SAMD13: variants seen among roughly 807,000 people sequenced by gnomAD.
SAMD13 encodes sterile alpha motif domain-containing protein 13.
SAMD13 carries 9 observed loss-of-function variants against 12.4 expected under a neutral mutation model. The ratio of observed to expected loss-of-function variants is 0.72; its 90% CI spans 0.44 to 1.26. The LOEUF (loss-of-function observed/expected upper bound fraction) is 1.26, where lower values mean the gene tolerates loss of function less well. SAMD13 is among the 50% of genes most tolerant of loss of function. The pLI, the probability that SAMD13 is intolerant of heterozygous loss-of-function variation, is 0.00. For missense variants in SAMD13, 84 were observed against 119.6 expected, an observed-to-expected ratio of 0.70 and a Z score of 1.39; for synonymous variants, 46 against 45.4, an observed-to-expected ratio of 1.01 and a Z score of -0.05.
Position 84,314,311 on chromosome 1 carries a change from A to G in SAMD13, c.53+11024A>G, listed in dbSNP as rs149534695. 1.5e-3 allele frequency among the ~76,000 whole-genome samples: 223 copies of G among 152,288 alleles called. 1 individual carries two copies. Among genetic ancestry groups the G allele is most frequent in the African/African-American group, 5.1e-3 (212 of 41,570 alleles). On this transcript the variant is annotated intron_variant, in intron 2 of 3. Coordinates refer to ENST00000394834, the MANE Select transcript of SAMD13 (RefSeq NM_001134663.2). ...AAATGAATAAAAAACCTCACAGGGT[A>G]CTTGATTGTTTGCCTGGAAGCCTGG...
intron 3 of SAMD13, among the ~76,000 whole-genome samples, chr1:84,342,608 A>T (rs1427666959): frequency 1.3e-5 from 2 of 152,212 alleles, no homozygotes; most frequent in African/African-American, 4.8e-5. Context: ...CAATGGGGAA[A>T]AGATTCTCTA....
chr1:84,349,746 C>A lies in SAMD13; in HGVS notation c.281C>A (p.Thr94Lys), dbSNP rs1558469259. Residue 94 changes from threonine (T) to lysine (K), a missense_variant, in exon 4 of 4, where the codon ACA becomes AAA. Transcript: ENST00000394834. ...GAATATCATGTAAAACCTCTGCAGACAAAGCATTTAAAGAACAACTCTTCA... is the reference window on the plus strand; with the variant it reads ...GAATATCATGTAAAACCTCTGCAGAAAAAGCATTTAAAGAACAACTCTTCA... ...IYEYHVKPLQ[T>K]KHLKNNSS The A allele has an allele frequency of 6.2e-7, 1 of 1,613,502 alleles. No homozygotes were observed. Among genetic ancestry groups the A allele is most frequent in the South Asian group, 1.1e-5 (1 of 90,972 alleles).
At chr1:84,348,839 C>T (rs1048040775) in intron 3 of SAMD13, among the ~76,000 whole-genome samples, 2 of 152,232 alleles carry the variant, frequency 1.3e-5, no homozygotes, top group East Asian at 1.9e-4. Context: ...CCCTCACTAC[C>T]TTATTTGGAA....
upstream of SAMD13, chr1:84,299,563 T>C: frequency 6.8e-7 from 1 of 1,474,368 alleles, no homozygotes; most frequent in Non-Finnish European, 9.0e-7. Context: ...CACATCACAC[T>C]CACATACTTT....
intron 2 of SAMD13, among the ~76,000 whole-genome samples, chr1:84,323,318 A>G (rs1678984280): frequency 6.6e-6 from 1 of 152,156 alleles, no homozygotes; most frequent in African/African-American, 2.4e-5. Flanking sequence ...AAAATTTACT[A>G]TTGATTTAAA....
chr1:84,315,167 C>A (rs1331030843), intron 2 of SAMD13, among the ~76,000 whole-genome samples: 4 of 152,052 alleles, frequency 2.6e-5, no homozygotes. Flanking sequence ...TCTGTAGGCA[C>A]AATGTTGTAC....
Position 84,317,232 on chromosome 1 carries a change from C to T in SAMD13, c.54-8405C>T, listed in dbSNP as rs1446543476. Among the ~76,000 whole-genome samples the T allele has an allele frequency of 3.3e-5, 5 of 152,084 alleles. No individual in the cohort carries two copies. In the East Asian group the frequency reaches 9.7e-4, roughly 29 times the overall value. On this transcript the variant is annotated intron_variant, in intron 2 of 3. Transcript: ENST00000394834. The stretch of plus-strand genomic sequence containing the variant: ...GCCTAATTGCTCTGGCTAGGATTTC[C>T]AGTCCTGTGTTGAATAGAAGTGGCA...
intron 2 of SAMD13, among the ~76,000 whole-genome samples, chr1:84,315,036 CTCTT>C (rs900172275): frequency 7.1e-6 from 1 of 141,396 alleles, no homozygotes; most frequent in Non-Finnish European, 1.5e-5. Flanking sequence ...TTCTTTCTCT[CTCTT>C]TGTTTTTCTT....
intron 3 of SAMD13, among the ~76,000 whole-genome samples, chr1:84,348,251 G>T (rs1365833300): frequency 6.6e-6 from 1 of 152,180 alleles, no homozygotes; most frequent in Non-Finnish European, 1.5e-5. Flanking sequence ...GTCACAAAGT[G>T]GGTGTTTCTT....
rs368844942 is a variant in SAMD13, at chr1:84,349,612, C to T, written c.166-19C>T. 1.4e-5 allele frequency: 23 copies of T among 1,609,610 alleles called. No homozygotes were observed. Among genetic ancestry groups the T allele is most frequent in the Middle Eastern group, 3.3e-4 (2 of 6,054 alleles). ...CTTTTGGACTCACATGTTGGCTTTACCTTCTGCTTCCATTATAGGAAATTG... is the reference window on the plus strand; with the variant it reads ...CTTTTGGACTCACATGTTGGCTTTATCTTCTGCTTCCATTATAGGAAATTG... On this transcript the variant is annotated intron_variant, in intron 3 of 3. Coordinates refer to ENST00000394834, the MANE Select transcript of SAMD13 (RefSeq NM_001134663.2).
chr1:84,343,153 G>C (rs908825320), intron 3 of SAMD13, among the ~76,000 whole-genome samples: 9 of 152,164 alleles, frequency 5.9e-5, no homozygotes, highest in Admixed American at 2.0e-4. Flanking sequence ...ACCACAATGA[G>C]ATACCATCTT....
intron 2 of SAMD13, among the ~76,000 whole-genome samples, chr1:84,312,839 C>T (rs1372958494): frequency 6.6e-6 from 1 of 152,136 alleles, no homozygotes; most frequent in Non-Finnish European, 1.5e-5. Flanking sequence ...ACACATGGTA[C>T]TAGCTGCTAC....
chr1:84,343,158 C>T (rs2101819799), intron 3 of SAMD13, among the ~76,000 whole-genome samples: 1 of 152,236 alleles, frequency 6.6e-6, no homozygotes, highest in Admixed American at 6.5e-5. Context: ...AATGAGATAC[C>T]ATCTTACACC....
intron 3 of SAMD13, among the ~76,000 whole-genome samples, chr1:84,328,369 C>T (rs568880870): frequency 6.6e-5 from 10 of 152,158 alleles, no homozygotes; most frequent in Non-Finnish European, 8.8e-5. Flanking sequence ...CCTGCCAACT[C>T]GGAAGCCTGA....
intron 3 of SAMD13, among the ~76,000 whole-genome samples, chr1:84,344,074 T>C (rs1679481876): frequency 6.8e-6 from 1 of 146,420 alleles, no homozygotes; most frequent in African/African-American, 2.6e-5. Context: ...TTTTGTTTTT[T>C]TGGCTTTTTT....
At chr1:84,340,013 G>T (rs1679389789) in intron 3 of SAMD13, among the ~76,000 whole-genome samples, 1 of 152,190 alleles carries the variant, frequency 6.6e-6, no homozygotes, top group Non-Finnish European at 1.5e-5. Context: ...TGGTGCATCT[G>T]TTGTGGAAAA....
chr1:84,342,486 A>G (rs925279795), intron 3 of SAMD13, among the ~76,000 whole-genome samples: 4 of 151,446 alleles, frequency 2.6e-5, no homozygotes, highest in African/African-American at 9.7e-5. Context: ...CCAAAACAGC[A>G]TGGTATTGGT....
At chr1:84,317,156 A>G (rs1395169100) in intron 2 of SAMD13, among the ~76,000 whole-genome samples, 2 of 152,036 alleles carry the variant, frequency 1.3e-5, no homozygotes, top group Non-Finnish European at 2.9e-5. Context: ...AAATGTAAGG[A>G]CAGTTTTACT....
At chr1:84,329,990 A>G (rs1679140929) in intron 3 of SAMD13, among the ~76,000 whole-genome samples, 1 of 152,098 alleles carries the variant, frequency 6.6e-6, no homozygotes, top group South Asian at 2.1e-4. Flanking sequence ...AGCCCTGGAG[A>G]AGGTAGTGAT....
Sources: gnomAD v4.1 joint callset for allele counts (sites outside exome capture counted in the v4.1 genomes callset) on GRCh38, gnomAD v4.1.1 for gene constraint, MANE v1.5 for transcripts, NCBI Gene and HGNC (gene_info 2026-07-23, HGNC 2026-07-21) for gene names.